ANO3: variants seen among roughly 807,000 people sequenced by gnomAD.
ANO3 encodes anoctamin 3.
ANO3 carries 99 observed loss-of-function variants against 144.8 expected under a neutral mutation model. The ratio of observed to expected loss-of-function variants is 0.68; its 90% confidence interval spans 0.58 to 0.81. The LOEUF is 0.81. Ranked by LOEUF, ANO3 falls within the 30% of genes least tolerant of loss-of-function variation. The pLI is 0.00. For synonymous variants in ANO3, 414 were observed against 392.6 expected (o/e 1.05, Z -0.64); for missense variants, 905 against 1,202.2 (o/e 0.75, Z 3.66).
intron 13 of ANO3, among the ~76,000 whole-genome samples, chr11:26,554,442 C>T (rs1850026979): frequency 6.6e-6 from 1 of 152,034 alleles, no homozygotes; most frequent in African/African-American, 2.4e-5. Flanking sequence ...TGGGTAATTA[C>T]CTAGGAGTAG....
chr11:26,473,588 A>C (rs529951752), intron 4 of ANO3, among the ~76,000 whole-genome samples: 1 of 143,052 alleles, frequency 7.0e-6, no homozygotes, highest in Non-Finnish European at 1.5e-5. Context: ...CTATCAAAAA[A>C]GTGTTACCTA....
chr11:26,594,916 A>T (rs1851563874), intron 14 of ANO3, among the ~76,000 whole-genome samples: 3 of 151,944 alleles, frequency 2.0e-5, no homozygotes, highest in Admixed American at 2.0e-4. Context: ...CCCCTTGAAG[A>T]GTATATTGTG....
intron 17 of ANO3, among the ~76,000 whole-genome samples, chr11:26,611,238 T>C (rs1255381534): frequency 6.6e-6 from 1 of 152,150 alleles, no homozygotes; most frequent in Non-Finnish European, 1.5e-5. Context: ...GTTTATTGTT[T>C]AGGCATTTAT....
intron 1 of ANO3, among the ~76,000 whole-genome samples, chr11:26,270,650 C>T (rs367678239): frequency 2.0e-5 from 3 of 152,254 alleles, no homozygotes; most frequent in East Asian, 1.9e-4. Context: ...CATTTATTCA[C>T]TCAATGATTA....
intron 1 of ANO3, among the ~76,000 whole-genome samples, chr11:26,359,277 T>C (rs150329940): frequency 1.3e-4 from 20 of 152,332 alleles, no homozygotes; most frequent in African/African-American, 4.8e-4. Flanking sequence ...GGGACCAGGA[T>C]AGTGCTCAAT....
Position 26,647,658 on chromosome 11 carries a change from G to T in ANO3, c.2429-51G>T, listed in dbSNP as rs776695500. On this transcript the variant is annotated intron_variant, in intron 23 of 26. Coordinates refer to ENST00000256737, the MANE Select transcript of ANO3 (RefSeq NM_031418.4). ...TTTCCAAAATAAGATTAATTACAGG[G>T]TTTTCATATTCTTCATTTTTGTTCA... The T allele has an allele frequency of 3.3e-6, 5 of 1,531,828 alleles. No homozygotes were observed. In the Admixed American group the frequency reaches 5.5e-5, roughly 17 times the overall value. 94.9% of individuals were successfully genotyped at this position (1,531,828 alleles called of 1,614,324 possible).
At chr11:26,385,150 G>T (rs1394303627) in intron 1 of ANO3, among the ~76,000 whole-genome samples, 1 of 152,074 alleles carries the variant, frequency 6.6e-6, no homozygotes, top group Admixed American at 6.6e-5. Flanking sequence ...GACTCATAAT[G>T]AATAAATGAA....
rs772976097 is a variant in ANO3 at position 26,547,557 on chromosome 11, T to C, written c.1289+7T>C. Reference sequence around the variant, plus strand: ...TGAATAATAGTCAAGTAAGGTAGGCTATTAAGAGACCTATTAAAAATATTT... The same window carrying C: ...TGAATAATAGTCAAGTAAGGTAGGCCATTAAGAGACCTATTAAAAATATTT... On this transcript the variant is annotated splice_region_variant and intron_variant, in intron 12 of 26. Coordinates refer to ENST00000256737, the MANE Select transcript of ANO3 (RefSeq NM_031418.4). 1.2e-6 allele frequency: 2 copies of C among 1,610,768 alleles called. No individual in the cohort carries two copies. Among genetic ancestry groups the C allele is most frequent in the Non-Finnish European group, 1.7e-6 (2 of 1,177,722 alleles).
chr11:26,550,187 A>G (rs993007007), intron 12 of ANO3, among the ~76,000 whole-genome samples: 7 of 151,384 alleles, frequency 4.6e-5, no homozygotes, highest in African/African-American at 1.7e-4. Context: ...ATTAATATAT[A>G]ATTATTACAG....
At chr11:26,230,982 G>C (rs1050049582) in intron 1 of ANO3, among the ~76,000 whole-genome samples, 2 of 149,248 alleles carry the variant, frequency 1.3e-5, no homozygotes, top group Admixed American at 6.7e-5. Flanking sequence ...GTGTTCCAGT[G>C]ATTCTCCTGC....
chr11:26,195,630 G>A (rs1269222606), intron 1 of ANO3, among the ~76,000 whole-genome samples: 1 of 152,172 alleles, frequency 6.6e-6, no homozygotes, highest in African/African-American at 2.4e-5. Context: ...GAATATGACA[G>A]TGAGGCCAAA....
At chr11:26,524,177 A>G (rs959073621) in intron 6 of ANO3, among the ~76,000 whole-genome samples, 8 of 152,188 alleles carry the variant, frequency 5.3e-5, no homozygotes, top group Non-Finnish European at 1.0e-4. Flanking sequence ...GTGGTTCTGA[A>G]GAAAAGATGA....
At chr11:26,344,263 A>G (rs934405780) in intron 1 of ANO3, among the ~76,000 whole-genome samples, 1 of 152,158 alleles carries the variant, frequency 6.6e-6, no homozygotes, top group Non-Finnish European at 1.5e-5. Context: ...TATGCATCTT[A>G]TAATACGAAA....
intron 1 of ANO3, among the ~76,000 whole-genome samples, chr11:26,422,087 C>T (rs1857769088): frequency 6.6e-6 from 1 of 151,882 alleles, no homozygotes; most frequent in Non-Finnish European, 1.5e-5. Flanking sequence ...AACTTGTACC[C>T]CTGAACTTAA....
intron 1 of ANO3, among the ~76,000 whole-genome samples, chr11:26,267,871 T>C (rs1343106365): frequency 6.8e-6 from 1 of 146,082 alleles, no homozygotes. Flanking sequence ...TTTTGTCTCA[T>C]TTTTTTTCTT....
chr11:26,503,090 A>G (rs1262214988), intron 4 of ANO3, among the ~76,000 whole-genome samples: 1 of 152,164 alleles, frequency 6.6e-6, no homozygotes, highest in Admixed American at 6.5e-5. Context: ...CATGGTTTGC[A>G]AACACATTAA....
At chr11:26,528,527 A>G (rs1849224092) in intron 7 of ANO3, among the ~76,000 whole-genome samples, 1 of 152,202 alleles carries the variant, frequency 6.6e-6, no homozygotes, top group Admixed American at 6.5e-5. Flanking sequence ...TGATGTAGTC[A>G]GAGCAACTAG....
Position 26,302,340 on chromosome 11 carries a change from C to CA in ANO3, c.155-7299dup, listed in dbSNP as rs1291721395. Among the ~76,000 whole-genome samples the CA allele has an allele frequency of 9.2e-5, 14 of 151,970 alleles. No homozygotes were observed. The East Asian group carries it at 1.2e-3, about 13-fold the overall frequency. ...TGAAACCCCGTCTTTACTAAAAATA[C>CA]AAAAAATAGCTGGGCATGGTGACGC... On this transcript the variant is annotated intron_variant, in intron 1 of 27. Transcript: ENST00000672621.
At chr11:26,492,758 T>A (rs749249982) in intron 4 of ANO3, among the ~76,000 whole-genome samples, 8 of 152,176 alleles carry the variant, frequency 5.3e-5, no homozygotes, top group Non-Finnish European at 8.8e-5. Flanking sequence ...GAACACAAAA[T>A]CAATTTTTAG....
Sources: gnomAD v4.1 joint callset for allele counts (sites outside exome capture counted in the v4.1 genomes callset) on GRCh38, gnomAD v4.1.1 for gene constraint, MANE v1.5 for transcripts, NCBI Gene and HGNC (gene_info 2026-07-23, HGNC 2026-07-21) for gene names.